The following CERS4 variants were observed in gnomAD, a reference collection of about 807,000 sequenced individuals.
CERS4 encodes the protein ceramide synthase 4.
A neutral mutation model predicts 51.8 loss-of-function variants in CERS4; 65 were observed. That is an observed-to-expected ratio of 1.26 (90% CI 1.03 to 1.54). CERS4 has a LOEUF of 1.54. Among genes scored for constraint, CERS4 ranks in the 40% most tolerant of loss-of-function variants. The pLI, the probability that CERS4 is intolerant of heterozygous loss-of-function variation, is 0.00. For missense variants in CERS4, 563 were observed against 500.4 expected, an observed-to-expected ratio of 1.13 and a Z score of -1.19; for synonymous variants, 228 against 208.4, an observed-to-expected ratio of 1.09 and a Z score of -0.81.
intron 2 of CERS4, among the ~76,000 whole-genome samples, chr19:8,241,010 C>T (rs1446359370): frequency 7.2e-6 from 1 of 139,144 alleles, no homozygotes; most frequent in African/African-American, 2.6e-5. Context: ...GGCTTGGGGG[C>T]GGGTGGGGTG....
chr19:8,250,927 G>A (rs1969044451), intron 2 of CERS4, 149 bp from the exon 3 acceptor site: 1 of 1,459,938 alleles, frequency 6.8e-7, no homozygotes, highest in African/African-American at 1.4e-5. Context: ...CCAGGCAAGG[G>A]GAGTTCCATC....
chr19:8,249,076 GGATA>G (rs1011437177), intron 2 of CERS4, among the ~76,000 whole-genome samples: 2 of 148,392 alleles, frequency 1.3e-5, no homozygotes, highest in Non-Finnish European at 3.0e-5. Flanking sequence ...AATAATGGGT[GGATA>G]GACAGATGTT....
chr19:8,237,843 T>C (rs1391936127), intron 2 of CERS4, among the ~76,000 whole-genome samples: 2 of 152,146 alleles, frequency 1.3e-5, no homozygotes, highest in Non-Finnish European at 2.9e-5. Context: ...AGAGCGAGAC[T>C]CCGTGTCAAA....
chr19:8,226,155 C>G (rs570755095), intron 2 of CERS4, among the ~76,000 whole-genome samples: 2 of 152,018 alleles, frequency 1.3e-5, no homozygotes, highest in Non-Finnish European at 2.9e-5. Flanking sequence ...CGAAGTCACA[C>G]CACTGCACTC....
chr19:8,251,800 T>TAAA (rs111723071), intron 3 of CERS4, among the ~76,000 whole-genome samples: 14 of 144,058 alleles, frequency 9.7e-5, no homozygotes, highest in Non-Finnish European at 1.7e-4. Flanking sequence ...CAAGACTCCA[T>TAAA]AAAAAAAAAA....
At chr19:8,236,508 T>C (rs1467543023) in intron 2 of CERS4, among the ~76,000 whole-genome samples, 3 of 148,264 alleles carry the variant, frequency 2.0e-5, no homozygotes, top group African/African-American at 7.5e-5. Flanking sequence ...TGAAATCCCA[T>C]CTCTACAAAA....
At chr19:8,259,522 C>T (rs1969567922) in intron 10 of CERS4, among the ~76,000 whole-genome samples, 1 of 151,986 alleles carries the variant, frequency 6.6e-6, no homozygotes, top group Admixed American at 6.6e-5. Flanking sequence ...CCTAGGTGTT[C>T]TGGGTGCCCT....
chr19:8,257,259 G>C (rs1004925183), intron 9 of CERS4, 182 bp downstream of exon 9: 2 of 627,476 alleles, frequency 3.2e-6, no homozygotes, highest in Non-Finnish European at 5.2e-6. Flanking sequence ...CACCCCCTCT[G>C]TCTTCCTGGG....
intron 2 of CERS4, chr19:8,239,391 C>G (rs1202712846): frequency 3.4e-5 from 4 of 117,764 alleles, no homozygotes; most frequent in Non-Finnish European, 7.1e-5. Context: ...AAGAGCAAAA[C>G]TCCGTCTCAA....
intron 2 of CERS4, among the ~76,000 whole-genome samples, chr19:8,232,787 T>G (rs555323170): frequency 1.3e-5 from 2 of 150,876 alleles, no homozygotes; most frequent in Non-Finnish European, 3.0e-5. Flanking sequence ...GGTGGTGTGA[T>G]CACAGCTCCC....
At position 8,262,180 on chromosome 19, in the gene CERS4, G is replaced by T; in HGVS notation, c.*71G>T. On this transcript the variant is annotated 3_prime_UTR_variant, in exon 12 of 12. Transcript: ENST00000251363. ...GGATATTTCTGGGGTGACTGGACTGGCGCCCCTGGGCCACCTTTCTGGAGA... is the reference window on the plus strand; with the variant it reads ...GGATATTTCTGGGGTGACTGGACTGTCGCCCCTGGGCCACCTTTCTGGAGA... 3 of 1,371,924 alleles carry T rather than the reference G, an allele frequency of 2.2e-6. No individual in the cohort carries two copies. The South Asian group carries it at 5.4e-5, about 25-fold the overall frequency. 85.0% of individuals were successfully genotyped at this position (1,371,924 alleles called of 1,614,324 possible). A position where few individuals can be genotyped will look rare whatever the true frequency, so the allele number is the denominator to read the frequency against.
intron 2 of CERS4, among the ~76,000 whole-genome samples, chr19:8,242,639 GAGAA>G (rs1340117016): frequency 1.3e-5 from 2 of 151,672 alleles, no homozygotes; most frequent in Middle Eastern, 6.8e-3. Context: ...TTGCCAAACA[GAGAA>G]AGAAAGCGTT....
At chr19:8,225,477 G>A (rs962338127) in intron 2 of CERS4, among the ~76,000 whole-genome samples, 15 of 147,712 alleles carry the variant, frequency 1.0e-4, no homozygotes, top group East Asian at 2.0e-4. Context: ...GCTGGAGTGC[G>A]CAATGGAGCG....
Position 8,210,359 on chromosome 19 carries a change from T to C in CERS4, c.-158-347T>C, listed in dbSNP as rs77788009. ...CAGAGTAACATCGTCTAATTCTGTCTGTTTGCAAGTGGAGCGTGGGGGACC... is the reference window on the plus strand; with the variant it reads ...CAGAGTAACATCGTCTAATTCTGTCCGTTTGCAAGTGGAGCGTGGGGGACC... On this transcript the variant is annotated intron_variant, in intron 1 of 11. Transcript: ENST00000251363. The surrounding 1 kb of genome is among the most constrained non-coding windows in gnomAD (Gnocchi z 4.2). Among the ~76,000 whole-genome samples, 6,500 of 152,266 alleles carry C rather than the reference T, an allele frequency of 0.043. 427 individuals carry two copies. Among genetic ancestry groups the C allele is most frequent in the African/African-American group, 0.14 (5,974 of 41,520 alleles).
intron 2 of CERS4, among the ~76,000 whole-genome samples, chr19:8,217,869 T>C (rs1967369371): frequency 6.6e-6 from 1 of 152,158 alleles, no homozygotes; most frequent in African/African-American, 2.4e-5. Context: ...GACGGGGTTT[T>C]GCCATGCTGG....
intron 2 of CERS4, among the ~76,000 whole-genome samples, chr19:8,250,175 A>G (rs749496631): frequency 1.9e-4 from 28 of 151,210 alleles, no homozygotes; most frequent in South Asian, 2.1e-4. Flanking sequence ...GAGTTTTGCC[A>G]TGTTGGCCAG....
chr19:8,235,197 C>T (rs761021952), intron 2 of CERS4, among the ~76,000 whole-genome samples: 41 of 150,880 alleles, frequency 2.7e-4, no homozygotes, highest in Admixed American at 9.3e-4. Context: ...TTAGTAGAAA[C>T]GGGGTTTCAC....
intron 9 of CERS4, 160 bp downstream of exon 9, chr19:8,257,237 C>T (rs555097862): frequency 2.7e-6 from 2 of 749,076 alleles, no homozygotes; most frequent in Middle Eastern, 4.1e-4. Flanking sequence ...GTCTTCCAGG[C>T]TGATAAGGCC....
At chr19:8,256,380 ACT>A in intron 7 of CERS4, 94 bp downstream of exon 7, 1 of 1,380,788 alleles carries the variant, frequency 7.2e-7, no homozygotes. Flanking sequence ...CTGACACTAC[ACT>A]GTCATTCCCC....
Sources: gnomAD v4.1 joint callset for allele counts (sites outside exome capture counted in the v4.1 genomes callset) on GRCh38, gnomAD v4.1.1 for gene constraint, Gnocchi (gnomAD v3.1) non-coding constraint, MANE v1.5 for transcripts, NCBI Gene and HGNC (gene_info 2026-07-23, HGNC 2026-07-21) for gene names.